EFTUD2: variants seen among roughly 807,000 people sequenced by gnomAD.
EFTUD2 encodes elongation factor Tu GTP binding domain containing 2, also known as 116 kDa U5 small nuclear ribonucleoprotein component.
Under a neutral mutation model 114.3 loss-of-function variants are expected in EFTUD2, and 9 were observed. The ratio of observed to expected loss-of-function variants is 0.08; its 90% CI spans 0.05 to 0.14. The LOEUF (loss-of-function observed/expected upper bound fraction) is 0.14. Among genes scored for constraint, EFTUD2 ranks in the 10% least tolerant of loss-of-function variants. The pLI is 1.00. For synonymous variants in EFTUD2, 449 were observed against 462.3 expected (o/e 0.97, Z 0.37); for missense variants, 765 against 1,241.2 (o/e 0.62, Z 5.76).
intron 10 of EFTUD2, among the ~76,000 whole-genome samples, chr17:44,873,817 C>T (rs181846755): frequency 2.3e-4 from 34 of 150,882 alleles, no homozygotes; most frequent in African/African-American, 8.0e-4. Flanking sequence ...CTGCAAGCTC[C>T]GTCTCCCGGG....
chr17:44,851,269 C>T lies in EFTUD2; in HGVS notation c.*5G>A, dbSNP rs759880893. ...GGGAGCAGGAGCTCCCAGGAGTCCA[C>T]GCACTCACATGGGGTAATTGAGCAC... On this transcript the variant is annotated 3_prime_UTR_variant, in exon 28 of 28. Transcript: ENST00000426333. The T allele has an allele frequency of 3.7e-6, 6 of 1,612,696 alleles. No individual in the cohort carries two copies. Among genetic ancestry groups the T allele is most frequent in the East Asian group, 2.2e-5 (1 of 44,878 alleles).
intron 17 of EFTUD2, 121 bp from the exon 18 acceptor site, chr17:44,860,166 C>G: frequency 7.0e-7 from 1 of 1,435,038 alleles, no homozygotes; most frequent in South Asian, 1.3e-5. Flanking sequence ...AACCAGGAGC[C>G]TGGTGCTGAG....
At chr17:44,868,207 G>A in intron 12 of EFTUD2, 80 bp downstream of exon 12, 1 of 1,149,280 alleles carries the variant, frequency 8.7e-7, no homozygotes, top group South Asian at 1.6e-5. Context: ...TTTAATCTTT[G>A]AACTCAGAGA....
chr17:44,876,245 G>C, intron 9 of EFTUD2, 145 bp from the exon 10 acceptor site: 1 of 949,904 alleles, frequency 1.1e-6, no homozygotes, highest in Non-Finnish European at 1.5e-6. Context: ...GAAGCAGAGA[G>C]CATCCTGCCC....
At chr17:44,856,648 G>C (rs932535660) in intron 20 of EFTUD2, among the ~76,000 whole-genome samples, 1 of 151,628 alleles carries the variant, frequency 6.6e-6, no homozygotes, top group Non-Finnish European at 1.5e-5. Context: ...GACCAGTCTG[G>C]ACAACAAAAA....
intron 11 of EFTUD2, among the ~76,000 whole-genome samples, chr17:44,869,219 G>T (rs191029663): frequency 3.7e-4 from 57 of 152,180 alleles, no homozygotes; most frequent in African/African-American, 1.2e-3. Flanking sequence ...TTCCCACATT[G>T]TTAGTTACTG....
intron 11 of EFTUD2, among the ~76,000 whole-genome samples, 184 bp downstream of exon 11, chr17:44,872,262 T>C (rs547270983): frequency 1.1e-3 from 160 of 152,304 alleles, no homozygotes; most frequent in Non-Finnish European, 1.9e-3. Context: ...TTCTATTATT[T>C]AGAAACCACT....
chr17:44,878,516 G>A (rs1231914194), intron 9 of EFTUD2, among the ~76,000 whole-genome samples: 1 of 152,098 alleles, frequency 6.6e-6, no homozygotes, highest in Non-Finnish European at 1.5e-5. Context: ...ACTGAATAAG[G>A]TCTGCAAAAA....
chr17:44,852,646 A>G (rs2050475476), intron 25 of EFTUD2, 84 bp from the exon 26 acceptor site: 1 of 1,504,764 alleles, frequency 6.6e-7, no homozygotes, highest in African/African-American at 1.4e-5. Context: ...TGTCCCCCAA[A>G]TGCATTCCAG....
At chr17:44,861,605 C>T (rs967397869) in intron 16 of EFTUD2, among the ~76,000 whole-genome samples, 92 of 151,846 alleles carry the variant, frequency 6.1e-4, no homozygotes, top group African/African-American at 2.0e-3. Flanking sequence ...TGGTGGCGGG[C>T]GCCTGTAGTC....
Position 44,863,753 on chromosome 17 carries a change from G to C in EFTUD2, c.1315C>G (p.Pro439Ala). Residue 439 changes from proline (P) to alanine (A), a missense_variant, in exon 15 of 28, where the codon CCT becomes GCT. By Grantham distance (27) the Pro-to-Ala change is conservative (BLOSUM62 -1). Coordinates refer to ENST00000426333, the MANE Select transcript of EFTUD2 (RefSeq NM_004247.4). ...GFVDMCVQHI[P>A]SPKVGAKPKI... is the part of the protein sequence containing the mutation. ...GGCTTGGCGCCCACCTTTGGAGAAG[G>C]GATATGCTGCACACACATGTCCACA... is the stretch of plus-strand genomic sequence containing the variant. 2 of 1,614,158 alleles carry C rather than the reference G, an allele frequency of 1.2e-6. No homozygotes were observed. The highest frequency in any genetic ancestry group is 1.7e-6 in the Non-Finnish European group (2 of 1,179,992).
At chr17:44,883,217 TC>T (rs933799606) in intron 5 of EFTUD2, 59 bp from the exon 6 acceptor site, 5 of 1,501,828 alleles carry the variant, frequency 3.3e-6, no homozygotes, top group Non-Finnish European at 3.7e-6. Flanking sequence ...ACTGTGCCCT[TC>T]CCCCAGCTCC....
At chr17:44,868,389 A>ATTATAATCTATAATTCAAAATTATAATT in intron 11 of EFTUD2, 39 bp from the exon 12 acceptor site, 1 of 1,603,858 alleles carries the variant, frequency 6.2e-7, no homozygotes, top group South Asian at 1.1e-5. Context: ...TACCTAGCAA[A>ATTATAATCTATAATTCAAAATTATAATT]GTGTCGTTCA....
intron 11 of EFTUD2, among the ~76,000 whole-genome samples, chr17:44,869,182 C>G (rs1215131585): frequency 1.3e-5 from 2 of 152,236 alleles, no homozygotes; most frequent in Admixed American, 1.3e-4. Context: ...CTTCCCTACT[C>G]TGTTAATTAC....
intron 16 of EFTUD2, among the ~76,000 whole-genome samples, chr17:44,861,171 C>T (rs1024068790): frequency 3.3e-5 from 5 of 152,094 alleles, no homozygotes; most frequent in Non-Finnish European, 5.9e-5. Context: ...CCGGGTGTGG[C>T]GGCTCACGCT....
chr17:44,882,704 G>T (rs1017100293), intron 6 of EFTUD2, among the ~76,000 whole-genome samples: 1 of 152,184 alleles, frequency 6.6e-6, no homozygotes, highest in Admixed American at 6.5e-5. Flanking sequence ...AACATTTATT[G>T]CACTGAGACT....
chr17:44,874,740 A>G (rs2050915931), intron 10 of EFTUD2, among the ~76,000 whole-genome samples: 2 of 152,248 alleles, frequency 1.3e-5, no homozygotes, highest in South Asian at 4.1e-4. Context: ...TGCAAGCCCT[A>G]AATCCATCTT....
chr17:44,859,023 T>C (rs2050607844), intron 19 of EFTUD2, 57 bp downstream of exon 19: 2 of 1,121,266 alleles, frequency 1.8e-6, no homozygotes, highest in Non-Finnish European at 2.7e-6. Flanking sequence ...TTCAAGGATT[T>C]GGTCACTTGT....
Position 44,891,570 on chromosome 17 carries a change from AAAC to A in EFTUD2, c.105+2844_105+2846del, listed in dbSNP as rs1435957781. On this transcript the variant is annotated intron_variant, in intron 2 of 27. Coordinates refer to ENST00000426333, the MANE Select transcript of EFTUD2 (RefSeq NM_004247.4). ...TCACTACATTGCCCAAGCTGGTCTCAAACTCCTCGGTTCAAGTGATCCTCCTGC... is the reference window on the plus strand; with the variant it reads ...TCACTACATTGCCCAAGCTGGTCTCATCCTCGGTTCAAGTGATCCTCCTGC... Among the ~76,000 whole-genome samples, 4 of 152,122 alleles carry A rather than the reference AAAC, an allele frequency of 2.6e-5. No homozygotes were observed. The East Asian group carries it at 7.7e-4, about 29-fold the overall frequency.
Sources: gnomAD v4.1 joint callset for allele counts (sites outside exome capture counted in the v4.1 genomes callset) on GRCh38, gnomAD v4.1.1 for gene constraint, MANE v1.5 for transcripts, NCBI Gene and HGNC (gene_info 2026-07-23, HGNC 2026-07-21) for gene names.